The following CRYL1 variants were observed in gnomAD, a reference collection of about 807,000 sequenced individuals.
The protein encoded by CRYL1 is lambda-crystallin homolog.
CRYL1 carries 29 observed loss-of-function variants against 36.6 expected under a neutral mutation model. That is an observed-to-expected ratio of 0.79 (90% CI 0.59 to 1.08). The LOEUF is 1.08. Among genes scored for constraint, CRYL1 ranks in the 50% least tolerant of loss-of-function variants. CRYL1 has a pLI of 0.00. For missense variants in CRYL1, 411 were observed against 407.9 expected, an observed-to-expected ratio of 1.01 and a Z score of -0.06; for synonymous variants, 152 against 151.5, an observed-to-expected ratio of 1.00 and a Z score of -0.02.
At chr13:20,445,947 T>C (rs17051861) in intron 3 of CRYL1, among the ~76,000 whole-genome samples, 2,426 of 152,222 alleles carry the variant, frequency 0.016, 68 homozygotes, top group African/African-American at 0.056. Context: ...CTACAGATCT[T>C]TACCTAGCCA....
intron 3 of CRYL1, among the ~76,000 whole-genome samples, chr13:20,483,093 A>G (rs1211891019): frequency 6.6e-6 from 1 of 152,126 alleles, no homozygotes; most frequent in Non-Finnish European, 1.5e-5. Context: ...AGTACAAAAT[A>G]CAGTTCGCTA....
intron 2 of CRYL1, among the ~76,000 whole-genome samples, chr13:20,508,998 A>G (rs1365388032): frequency 6.6e-6 from 1 of 151,346 alleles, no homozygotes; most frequent in Admixed American, 6.6e-5. Context: ...GTCAGGAGTC[A>G]GCCTGACTAA....
chr13:20,434,551 A>T (rs1268941590), intron 4 of CRYL1, among the ~76,000 whole-genome samples: 1 of 151,134 alleles, frequency 6.6e-6, no homozygotes. Context: ...AATTAGGGAA[A>T]AAAAGCTGGT....
At chr13:20,482,756 T>C (rs551901393) in intron 3 of CRYL1, among the ~76,000 whole-genome samples, 64 of 151,738 alleles carry the variant, frequency 4.2e-4, no homozygotes, top group East Asian at 7.8e-4. Context: ...TGTGTGTGTG[T>C]GCGCGCGTGT....
At chr13:20,411,107 T>C (rs544065964) in intron 6 of CRYL1, among the ~76,000 whole-genome samples, 3 of 152,326 alleles carry the variant, frequency 2.0e-5, no homozygotes, top group African/African-American at 7.2e-5. Flanking sequence ...GCTGGCTTTA[T>C]GAAAACAGTA....
intron 3 of CRYL1, among the ~76,000 whole-genome samples, chr13:20,487,778 C>CA (rs60481026): frequency 0.045 from 6,611 of 145,744 alleles, 478 homozygotes; most frequent in African/African-American, 0.16. Flanking sequence ...GACTCTATCT[C>CA]AAAAAAAAAC....
In CRYL1 at chr13:20,413,269, C is replaced by G; in HGVS notation, c.739+13G>C. The G allele has an allele frequency of 6.4e-7, 1 of 1,550,692 alleles. No individual in the cohort carries two copies. The highest frequency in any genetic ancestry group is 8.9e-7 in the Non-Finnish European group (1 of 1,127,130). On this transcript the variant is annotated intron_variant, in intron 6 of 7. Transcript: ENST00000298248. ...AATAGAATGGAATTCCCATCCTGGC[C>G]CCAGATGCATACCTTCTGCATTGAG...
At chr13:20,445,659 T>C (rs573315798) in intron 3 of CRYL1, among the ~76,000 whole-genome samples, 31 of 152,244 alleles carry the variant, frequency 2.0e-4, no homozygotes, top group Admixed American at 3.3e-4. Context: ...ACTTTAGAAA[T>C]AGACCCTTAG....
chr13:20,508,085 TG>T (rs2033836695), intron 2 of CRYL1, among the ~76,000 whole-genome samples: 2 of 152,064 alleles, frequency 1.3e-5, no homozygotes, highest in African/African-American at 4.8e-5. Flanking sequence ...AAAAATTAGC[TG>T]GGCGTGGTGG....
chr13:20,512,178 G>A (rs1238744459), intron 2 of CRYL1, among the ~76,000 whole-genome samples: 2 of 152,236 alleles, frequency 1.3e-5, no homozygotes, highest in Admixed American at 6.5e-5. Context: ...GCAAACAGCT[G>A]GAGAAGCCTG....
At chr13:20,420,100 C>A (rs886913493) in intron 5 of CRYL1, among the ~76,000 whole-genome samples, 1 of 152,232 alleles carries the variant, frequency 6.6e-6, no homozygotes, top group Admixed American at 6.5e-5. Flanking sequence ...GACATTCCTG[C>A]GGAATGACTT....
At chr13:20,518,213 C>T (rs969690012) in intron 1 of CRYL1, among the ~76,000 whole-genome samples, 1 of 151,926 alleles carries the variant, frequency 6.6e-6, no homozygotes, top group African/African-American at 2.4e-5. Flanking sequence ...TTCCTGACCC[C>T]AAGGAGCTCA....
At position 20,404,798 on chromosome 13, in the gene CRYL1, A is replaced by G. The variant is rs1049420891; in HGVS notation, c.740-57T>C. On this transcript the variant is annotated intron_variant, in intron 6 of 7. Coordinates refer to ENST00000298248, the MANE Select transcript of CRYL1 (RefSeq NM_015974.3). ...CTCAGAAAAAAACATTCTTAGTTAT[A>G]TTCAAACTCAGAAATGCATTCAGAG... 4.1e-6 allele frequency: 5 copies of G among 1,217,990 alleles called. No individual in the cohort carries two copies. In the African/African-American group the frequency reaches 4.5e-5, roughly 11 times the overall value. The allele number at this position is 1,217,990 out of a possible 1,614,324, so 75.4% of individuals were successfully genotyped here. A position where few individuals can be genotyped will look rare whatever the true frequency, so the allele number is the denominator to read the frequency against.
At chr13:20,448,238 C>A (rs1409468524) in intron 3 of CRYL1, among the ~76,000 whole-genome samples, 1 of 151,996 alleles carries the variant, frequency 6.6e-6, no homozygotes, top group Non-Finnish European at 1.5e-5. Context: ...GGAAATCAGA[C>A]AAAATGAAAA....
At chr13:20,457,994 C>T (rs1401630176) in intron 3 of CRYL1, among the ~76,000 whole-genome samples, 1 of 152,164 alleles carries the variant, frequency 6.6e-6, no homozygotes, top group Admixed American at 6.5e-5. Context: ...GTGATTCAAC[C>T]AGTTCTAAAG....
At chr13:20,463,171 A>G (rs1227693403) in intron 3 of CRYL1, among the ~76,000 whole-genome samples, 1 of 152,166 alleles carries the variant, frequency 6.6e-6, no homozygotes, top group Non-Finnish European at 1.5e-5. Context: ...CTACCAGGCA[A>G]CCTGCACCAA....
chr13:20,427,275 C>T, intron 5 of CRYL1: 1 of 985,458 alleles, frequency 1.0e-6, no homozygotes, highest in Middle Eastern at 5.2e-4. Flanking sequence ...TCCAAGACCA[C>T]AGGGCTGCTT....
intron 4 of CRYL1, among the ~76,000 whole-genome samples, chr13:20,438,780 A>G (rs556926781): frequency 6.6e-6 from 1 of 152,274 alleles, no homozygotes; most frequent in South Asian, 2.1e-4. Flanking sequence ...TATATTTATC[A>G]TAGCTTGAGC....
At chr13:20,461,972 G>T in intron 3 of CRYL1, among the ~76,000 whole-genome samples, 1 of 140,536 alleles carries the variant, frequency 7.1e-6, no homozygotes, top group Non-Finnish European at 1.6e-5. Context: ...TGGGAGGGCA[G>T]CCTGGGGGAG....
Sources: allele counts gnomAD v4.1 joint callset (sites outside exome capture counted in the v4.1 genomes callset), GRCh38; gene constraint gnomAD v4.1.1; transcripts MANE v1.5; gene names NCBI Gene and HGNC (gene_info 2026-07-23, HGNC 2026-07-21).